CHRNA5: variants seen among roughly 807,000 people sequenced by gnomAD.
CHRNA5 encodes cholinergic receptor nicotinic alpha 5 subunit.
A neutral mutation model predicts 41.2 loss-of-function variants in CHRNA5; 28 were observed. The ratio of observed to expected loss-of-function variants is 0.68; its 90% CI spans 0.50 to 0.93. The LOEUF (loss-of-function observed/expected upper bound fraction) is 0.93, where lower values mean the gene tolerates loss of function less well. Ranked by LOEUF, CHRNA5 falls within the 40% of genes least tolerant of loss-of-function variation. The pLI, the probability that CHRNA5 is intolerant of heterozygous loss-of-function variation, is 0.00. For missense variants in CHRNA5, 481 were observed against 581.9 expected, an observed-to-expected ratio of 0.83 and a Z score of 1.78; for synonymous variants, 188 against 205.8, an observed-to-expected ratio of 0.91 and a Z score of 0.74.
intron 5 of CHRNA5, among the ~76,000 whole-genome samples, chr15:78,591,705 T>C (rs2141424421): frequency 6.6e-6 from 1 of 152,178 alleles, no homozygotes; most frequent in East Asian, 1.9e-4. Flanking sequence ...TCCTTCCTTA[T>C]TTTATTGTAT....
intron 1 of CHRNA5, 54 bp downstream of exon 1, chr15:78,565,879 C>A: frequency 9.1e-7 from 1 of 1,100,130 alleles, no homozygotes; most frequent in Non-Finnish European, 1.1e-6. Flanking sequence ...CTCCACATCG[C>A]GGTGCCCAGG....
At chr15:78,573,572 G>C (rs1457788430) in intron 1 of CHRNA5, among the ~76,000 whole-genome samples, 1 of 152,178 alleles carries the variant, frequency 6.6e-6, no homozygotes, top group Non-Finnish European at 1.5e-5. Context: ...GTGTGGCCAA[G>C]TTGTAGCAGA....
exon 5 of CHRNA5, chr15:78,589,874 T>C: frequency 6.2e-7 from 1 of 1,614,034 alleles, no homozygotes; most frequent in Non-Finnish European, 8.5e-7. Context: ...TCACCTGGAC[T>C]CCACCGGCAA....
At chr15:78,565,784 G>A in exon 1 of CHRNA5, 2 of 1,221,944 alleles carry the variant, frequency 1.6e-6, no homozygotes, top group South Asian at 4.1e-5. Context: ...CTGGTCGCGG[G>A]GCGCTGCGGT....
At chr15:78,571,036 G>A (rs1345880696) in intron 1 of CHRNA5, among the ~76,000 whole-genome samples, 3 of 152,210 alleles carry the variant, frequency 2.0e-5, no homozygotes, top group Admixed American at 1.3e-4. Flanking sequence ...CTGAAACTTA[G>A]ATGTACACAG....
chr15:78,593,237 GA>G lies in CHRNA5; in HGVS notation c.1394del (p.Asn465MetfsTer15), dbSNP rs1567065763. Reference sequence around the variant, plus strand: ...AATATATTAATACCAGTTCATATTGGAAATGCAAATAAGTGAAGCCTCCCAA... The same window carrying G: ...AATATATTAATACCAGTTCATATTGGAATGCAAATAAGTGAAGCCTCCCAA... On this transcript the variant is annotated frameshift_variant, in exon 6 of 6. Transcript: ENST00000299565. LOFTEE classifies it high-confidence loss of function. 1 of 1,609,812 alleles carries G rather than the reference GA, an allele frequency of 6.2e-7. No homozygotes were observed.
At chr15:78,582,755 G>T (rs758306404) in intron 2 of CHRNA5, among the ~76,000 whole-genome samples, 1 of 152,224 alleles carries the variant, frequency 6.6e-6, no homozygotes, top group Non-Finnish European at 1.5e-5. Flanking sequence ...CAATATAGTT[G>T]TAGGTATATA....
At chr15:78,569,501 T>A (rs2052780131) in intron 1 of CHRNA5, among the ~76,000 whole-genome samples, 1 of 150,078 alleles carries the variant, frequency 6.7e-6, no homozygotes, top group African/African-American at 2.5e-5. Flanking sequence ...TGGTGCAATC[T>A]CGGCTCACTG....
intron 1 of CHRNA5, among the ~76,000 whole-genome samples, chr15:78,570,424 A>ATTTTTTTTTTT (rs71148540): frequency 0.028 from 1,792 of 64,124 alleles, 300 homozygotes; most frequent in Admixed American, 0.076. Context: ...AATCCCGGCT[A>ATTTTTTTTTTT]TTTTTTTTTT....
intron 1 of CHRNA5, among the ~76,000 whole-genome samples, chr15:78,569,356 GAATTA>G (rs1229880231): frequency 5.9e-5 from 9 of 151,572 alleles, no homozygotes; most frequent in Middle Eastern, 3.2e-3. Flanking sequence ...TAAAGCATTG[GAATTA>G]AATTATCAGA....
At chr15:78,590,508 T>C (rs1235714060) in exon 5 of CHRNA5, 3 of 1,614,206 alleles carry the variant, frequency 1.9e-6, no homozygotes, top group Admixed American at 1.7e-5. Context: ...TGTAGACAGG[T>C]ACTTCACTCA....
exon 2 of CHRNA5, chr15:78,580,871 A>G (rs201040941): frequency 1.2e-6 from 2 of 1,613,592 alleles, no homozygotes; most frequent in Non-Finnish European, 1.7e-6. Context: ...GATTTATTTC[A>G]AGACTACGAA....
At chr15:78,591,442 T>C in intron 5 of CHRNA5, among the ~76,000 whole-genome samples, 1 of 152,010 alleles carries the variant, frequency 6.6e-6, no homozygotes, top group South Asian at 2.1e-4. Context: ...TAAAATTCAG[T>C]CTTGTCACTG....
chr15:78,590,786 G>T, intron 5 of CHRNA5, 150 bp downstream of exon 5: 1 of 668,254 alleles, frequency 1.5e-6, no homozygotes, highest in Non-Finnish European at 2.5e-6. Flanking sequence ...TTCTATAAAA[G>T]ATCTTTACTA....
At chr15:78,569,583 G>A (rs1005148359) in intron 1 of CHRNA5, among the ~76,000 whole-genome samples, 15 of 151,424 alleles carry the variant, frequency 9.9e-5, no homozygotes, top group Non-Finnish European at 1.5e-4. Context: ...ACAGGCACCC[G>A]CCACCACGCC....
chr15:78,587,889 G>A (rs905255566), intron 3 of CHRNA5, among the ~76,000 whole-genome samples: 14 of 152,244 alleles, frequency 9.2e-5, no homozygotes, highest in African/African-American at 2.9e-4. Flanking sequence ...ATGGAGGTAG[G>A]GTAAGGTGTT....
chr15:78,589,704 T>C, intron 4 of CHRNA5, 101 bp from the exon 5 acceptor site: 1 of 897,350 alleles, frequency 1.1e-6, no homozygotes, highest in Non-Finnish European at 1.7e-6. Flanking sequence ...AATTATTTCA[T>C]GCAATCAATG....
intron 1 of CHRNA5, among the ~76,000 whole-genome samples, chr15:78,578,129 C>T (rs943424966): frequency 2.0e-5 from 3 of 152,172 alleles, no homozygotes; most frequent in African/African-American, 7.2e-5. Context: ...TAAATATCTT[C>T]AATGCTGTGC....
chr15:78,572,072 G>T (rs2052810606), intron 1 of CHRNA5, among the ~76,000 whole-genome samples: 1 of 152,054 alleles, frequency 6.6e-6, no homozygotes, highest in Non-Finnish European at 1.5e-5. Context: ...CTCCAGGAAT[G>T]CCTTGATTAT....
Sources: gnomAD v4.1 joint callset for allele counts (sites outside exome capture counted in the v4.1 genomes callset) on GRCh38, gnomAD v4.1.1 for gene constraint, MANE v1.5 for transcripts, NCBI Gene and HGNC (gene_info 2026-07-23, HGNC 2026-07-21) for gene names.